Variants in RNF17 observed in about 807,000 individuals in gnomAD.
RNF17 encodes ring finger protein 17.
In RNF17, 31 loss-of-function variants were observed where a neutral mutation model predicts 200.5. The ratio of observed to expected loss-of-function variants is 0.15; its 90% CI spans 0.12 to 0.21. The LOEUF (loss-of-function observed/expected upper bound fraction) is 0.21. RNF17 is among the 10% of genes least tolerant of loss of function. The pLI, the probability that RNF17 is intolerant of heterozygous loss-of-function variation, is 1.00. For synonymous variants in RNF17, 606 were observed against 637.8 expected (o/e 0.95, Z 0.75); for missense variants, 1,628 against 1,905.1 (o/e 0.85, Z 2.71).
chr13:24,776,497 A>G (rs1362459088), intron 3 of RNF17, among the ~76,000 whole-genome samples: 2 of 152,212 alleles, frequency 1.3e-5, no homozygotes, highest in African/African-American at 4.8e-5. Flanking sequence ...ACCTAGGTTT[A>G]TTGAATACCA....
intron 31 of RNF17, among the ~76,000 whole-genome samples, chr13:24,869,610 G>C (rs1894029001): frequency 2.0e-5 from 3 of 152,178 alleles, no homozygotes. Context: ...CTGGAAGGCT[G>C]TGTTTCCTGC....
intron 9 of RNF17, among the ~76,000 whole-genome samples, chr13:24,791,696 A>C (rs993486629): frequency 2.0e-5 from 3 of 152,180 alleles, no homozygotes; most frequent in African/African-American, 4.8e-5. Flanking sequence ...GGAACAAATT[A>C]GTCTGGCTCA....
chr13:24,856,183 A>T (rs1464226053), intron 25 of RNF17, among the ~76,000 whole-genome samples: 1 of 151,992 alleles, frequency 6.6e-6, no homozygotes, highest in Non-Finnish European at 1.5e-5. Context: ...CACTTTTGAG[A>T]GGCCTAGGTG....
downstream of RNF17, among the ~76,000 whole-genome samples, chr13:24,881,140 G>A (rs981519215): frequency 2.3e-4 from 35 of 151,380 alleles, no homozygotes; most frequent in African/African-American, 6.8e-4. Context: ...AGAAATGTTC[G>A]TTCATTTATC....
intron 18 of RNF17, among the ~76,000 whole-genome samples, chr13:24,837,205 T>A (rs1210849998): frequency 2.0e-5 from 3 of 152,068 alleles, no homozygotes; most frequent in Non-Finnish European, 2.9e-5. Flanking sequence ...CACCTAACAC[T>A]AGAGCTCCCA....
intron 15 of RNF17, among the ~76,000 whole-genome samples, chr13:24,820,671 A>G (rs1287012981): frequency 2.0e-5 from 3 of 151,934 alleles, no homozygotes; most frequent in Non-Finnish European, 4.4e-5. Flanking sequence ...CCTGACCTCA[A>G]GTGATCACCC....
At chr13:24,825,506 A>C (rs953649001) in intron 15 of RNF17, 113 bp from the exon 16 acceptor site, 1 of 735,562 alleles carries the variant, frequency 1.4e-6, no homozygotes, top group East Asian at 2.5e-5. Context: ...ATAGATTTAC[A>C]TTCAATTCAA....
chr13:24,878,908 G>T (rs566157602), intron 34 of RNF17, among the ~76,000 whole-genome samples: 16 of 152,102 alleles, frequency 1.1e-4, no homozygotes, highest in Non-Finnish European at 1.6e-4. Flanking sequence ...ATAATGCTTT[G>T]TGTGGAATGC....
intron 25 of RNF17, among the ~76,000 whole-genome samples, chr13:24,855,609 TAG>T (rs1892389553): frequency 6.6e-6 from 1 of 150,984 alleles, no homozygotes; most frequent in Non-Finnish European, 1.5e-5. Flanking sequence ...GCCTGGACAA[TAG>T]AGTGAGTGAG....
intron 19 of RNF17, 31 bp downstream of exon 19, chr13:24,842,192 T>G: frequency 6.4e-7 from 1 of 1,559,484 alleles, no homozygotes; most frequent in East Asian, 2.3e-5. Flanking sequence ...TCATTGTTAG[T>G]TCATGTTCTT....
At chr13:24,749,046 G>T in the RNF17 span, among the ~76,000 whole-genome samples, 1 of 152,074 alleles carries the variant, frequency 6.6e-6, no homozygotes, top group African/African-American at 2.4e-5. Flanking sequence ...GAGTCACTGC[G>T]CCCAGCCAAG....
chr13:24,809,432 G>C (rs1412107136), intron 15 of RNF17, among the ~76,000 whole-genome samples: 4 of 152,198 alleles, frequency 2.6e-5, no homozygotes, highest in African/African-American at 9.6e-5. Context: ...TTTGCATAGA[G>C]GTGTTTGTAG....
intron 15 of RNF17, among the ~76,000 whole-genome samples, chr13:24,805,309 T>G (rs1330075630): frequency 6.6e-6 from 1 of 152,204 alleles, no homozygotes; most frequent in South Asian, 2.1e-4. Flanking sequence ...CCAGAGCTTT[T>G]TATTTATCTC....
intron 9 of RNF17, among the ~76,000 whole-genome samples, chr13:24,790,182 G>T (rs1883670693): frequency 1.3e-5 from 2 of 152,114 alleles, no homozygotes; most frequent in Admixed American, 1.3e-4. Context: ...ACAGGACTTG[G>T]AAAGATATTT....
At chr13:24,764,386 G>C (rs1879238449) in intron 1 of RNF17, 53 bp downstream of exon 1, 2 of 1,512,726 alleles carry the variant, frequency 1.3e-6, no homozygotes, top group East Asian at 2.5e-5. Context: ...GGGAGCGCTG[G>C]GGGCCAGGTG....
the RNF17 span, chr13:24,750,967 T>G: frequency 6.6e-6 from 1 of 151,864 alleles, no homozygotes. Flanking sequence ...TTTGGCACAC[T>G]TTTTTTTGAG....
chr13:24,830,882 A>G (rs935826905), intron 17 of RNF17, among the ~76,000 whole-genome samples: 1 of 152,362 alleles, frequency 6.6e-6, no homozygotes, highest in Non-Finnish European at 1.5e-5. Flanking sequence ...AGTCACGTTC[A>G]TGATATATCA....
intron 15 of RNF17, among the ~76,000 whole-genome samples, chr13:24,821,476 C>G (rs970643659): frequency 6.6e-6 from 1 of 152,138 alleles, no homozygotes; most frequent in African/African-American, 2.4e-5. Context: ...CTATGACTTT[C>G]ATAATGTCTC....
At chr13:24,833,368 T>C (rs1889636662) in intron 18 of RNF17, among the ~76,000 whole-genome samples, 1 of 152,236 alleles carries the variant, frequency 6.6e-6, no homozygotes. Flanking sequence ...AAGAGGAATG[T>C]GATTATACAG....
Sources: gnomAD v4.1 joint callset for allele counts (sites outside exome capture counted in the v4.1 genomes callset) on GRCh38, gnomAD v4.1.1 for gene constraint, MANE v1.5 for transcripts, NCBI Gene and HGNC (gene_info 2026-07-23, HGNC 2026-07-21) for gene names.